Variants in ACBD6 observed in about 807,000 individuals in gnomAD.
ACBD6 encodes the protein acyl-CoA binding domain containing 6, also known as acyl-CoA-binding domain-containing protein 6.
In ACBD6, 28 loss-of-function variants were observed where a neutral mutation model predicts 37.2. That is an observed-to-expected ratio of 0.75 (90% confidence interval 0.56 to 1.03). The LOEUF is 1.03. Ranked by LOEUF, ACBD6 falls within the 50% of genes least tolerant of loss-of-function variation. The pLI is 0.00. For synonymous variants in ACBD6, 113 were observed against 126.8 expected, an observed-to-expected ratio of 0.89 and a Z score of 0.73; for missense variants, 340 against 337.4, an observed-to-expected ratio of 1.01 and a Z score of -0.06.
At chr1:180,367,462 T>G (rs568411720) in intron 6 of ACBD6, among the ~76,000 whole-genome samples, 2 of 152,156 alleles carry the variant, frequency 1.3e-5, no homozygotes, top group Non-Finnish European at 2.9e-5. Flanking sequence ...TAGGGGTTTG[T>G]TGTACAAATT....
chr1:180,320,689 T>G (rs1177471767), intron 6 of ACBD6, among the ~76,000 whole-genome samples: 5 of 151,464 alleles, frequency 3.3e-5, no homozygotes, highest in African/African-American at 1.2e-4. Flanking sequence ...GATTATTAGG[T>G]TTTTTTTGCT....
rs1333182603 is a variant in ACBD6, at chr1:180,363,685, TAAGCAGGAGCAG to T, written c.663+33819_663+33830del. Among the ~76,000 whole-genome samples the T allele has an allele frequency of 5.5e-3, 832 of 152,032 alleles. 8 individuals carry two copies. Among genetic ancestry groups the T allele is most frequent in the African/African-American group, 0.019 (786 of 41,400 alleles). The stretch of plus-strand genomic sequence containing the variant: ...TCAGAGTTAACCTTGCCAATCAGAG[TAAGCAGGAGCAG>T]GAGCAGGAGCAGGAGCAGGAGCGGG... On this transcript the variant is annotated intron_variant, in intron 6 of 7. Transcript: ENST00000367595.
intron 7 of ACBD6, among the ~76,000 whole-genome samples, chr1:180,303,252 G>A (rs1571336422): frequency 1.3e-5 from 2 of 150,174 alleles, no homozygotes. Flanking sequence ...AAATAACTAA[G>A]ATCAGAGCAG....
downstream of ACBD6, among the ~76,000 whole-genome samples, chr1:180,284,365 CTT>C (rs774639942): frequency 2.4e-4 from 35 of 143,610 alleles, no homozygotes; most frequent in Admixed American, 5.6e-4. Flanking sequence ...GTATTAAGGT[CTT>C]TTTTTTTTTT....
chr1:180,274,297 A>G, intron 10 of ACBD6: 2 of 1,614,190 alleles, frequency 1.2e-6, no homozygotes, highest in Non-Finnish European at 1.7e-6. Flanking sequence ...GGACAGGACA[A>G]TCCTATCAGG....
At chr1:180,371,922 C>T (rs1653278739) in intron 6 of ACBD6, among the ~76,000 whole-genome samples, 1 of 152,146 alleles carries the variant, frequency 6.6e-6, no homozygotes, top group South Asian at 2.1e-4. Flanking sequence ...ATATTTACTA[C>T]GAAGCTCTTC....
At chr1:180,422,656 G>T (rs188995830) in intron 4 of ACBD6, among the ~76,000 whole-genome samples, 11 of 152,218 alleles carry the variant, frequency 7.2e-5, no homozygotes, top group Admixed American at 7.2e-4. Flanking sequence ...TGCTTTTTGG[G>T]AGTACTTCCA....
At chr1:180,354,156 G>T (rs75086248) in intron 6 of ACBD6, among the ~76,000 whole-genome samples, 1 of 152,214 alleles carries the variant, frequency 6.6e-6, no homozygotes, top group African/African-American at 2.4e-5. Flanking sequence ...CCCAGTGGGG[G>T]AGGTAGGCCA....
chr1:180,444,563 C>G (rs1023547825), intron 3 of ACBD6, among the ~76,000 whole-genome samples: 1 of 152,164 alleles, frequency 6.6e-6, no homozygotes, highest in African/African-American at 2.4e-5. Flanking sequence ...GTTAGTTTTC[C>G]TTTCTATACA....
chr1:180,418,976 G>A lies in ACBD6; in HGVS notation c.468-5505C>T, dbSNP rs141043290. Among the ~76,000 whole-genome samples the A allele has an allele frequency of 1.2e-3, 182 of 152,378 alleles. 1 individual carries two copies. The highest frequency in any genetic ancestry group is 4.2e-3 in the African/African-American group (175 of 41,594). Reference sequence around the variant, plus strand: ...TTCTTAAAATCATTCTTGAGGCCGGGCGCGGTGGCTCACACCTGTAATCCC... The same window carrying A: ...TTCTTAAAATCATTCTTGAGGCCGGACGCGGTGGCTCACACCTGTAATCCC... On this transcript the variant is annotated intron_variant, in intron 4 of 7. Transcript: ENST00000367595.
intron 6 of ACBD6, among the ~76,000 whole-genome samples, chr1:180,369,198 C>G (rs1425639956): frequency 6.6e-6 from 1 of 152,214 alleles, no homozygotes; most frequent in Non-Finnish European, 1.5e-5. Flanking sequence ...AACGGAGCAG[C>G]CTACGCAGGG....
chr1:180,298,236 C>T (rs1649997466), intron 7 of ACBD6, among the ~76,000 whole-genome samples: 2 of 152,180 alleles, frequency 1.3e-5, no homozygotes, highest in African/African-American at 2.4e-5. Context: ...CTACTTTAAC[C>T]TTTACACTGC....
intron 3 of ACBD6, among the ~76,000 whole-genome samples, chr1:180,465,388 G>T (rs1650307922): frequency 6.6e-6 from 1 of 152,116 alleles, no homozygotes; most frequent in South Asian, 2.1e-4. Flanking sequence ...AGACATACAT[G>T]TGGCCAAGAA....
chr1:180,425,515 G>C (rs769722728), intron 4 of ACBD6, among the ~76,000 whole-genome samples: 15 of 152,180 alleles, frequency 9.9e-5, no homozygotes, highest in Non-Finnish European at 1.8e-4. Flanking sequence ...TGGTGCTAAA[G>C]GCAGTGGTAT....
intron 2 of ACBD6, among the ~76,000 whole-genome samples, chr1:180,493,284 AC>A (rs1651596061): frequency 2.1e-5 from 3 of 144,504 alleles, no homozygotes; most frequent in African/African-American, 7.7e-5. Flanking sequence ...AAAAACAACA[AC>A]AGCAACTAAA....
intron 5 of ACBD6, among the ~76,000 whole-genome samples, chr1:180,399,343 A>G (rs1647248622): frequency 6.6e-6 from 1 of 152,142 alleles, no homozygotes; most frequent in African/African-American, 2.4e-5. Context: ...ATCTCCGCTT[A>G]CTGCAACCTC....
chr1:180,382,023 G>A (rs1653672449), intron 6 of ACBD6, among the ~76,000 whole-genome samples: 1 of 150,322 alleles, frequency 6.7e-6, no homozygotes, highest in African/African-American at 2.4e-5. Flanking sequence ...GCTGAGGCAG[G>A]AAAATAGCTT....
chr1:180,390,549 G>T (rs1013190110), intron 6 of ACBD6, among the ~76,000 whole-genome samples: 3 of 151,862 alleles, frequency 2.0e-5, no homozygotes, highest in Non-Finnish European at 4.4e-5. Context: ...GAAAGTCATT[G>T]GTAGCTTGAT....
chr1:180,484,038 A>C (rs1651159655), intron 3 of ACBD6, among the ~76,000 whole-genome samples: 1 of 152,222 alleles, frequency 6.6e-6, no homozygotes, highest in Admixed American at 6.5e-5. Context: ...CAGAGTGGAA[A>C]ATACATTAAA....
Sources: allele counts gnomAD v4.1 joint callset (sites outside exome capture counted in the v4.1 genomes callset), GRCh38; gene constraint gnomAD v4.1.1; transcripts MANE v1.5; gene names NCBI Gene and HGNC (gene_info 2026-07-23, HGNC 2026-07-21).